PLEKHM1: variants seen among roughly 807,000 people sequenced by gnomAD.
PLEKHM1 encodes the protein pleckstrin homology domain-containing family M member 1.
PLEKHM1 carries 28 observed loss-of-function variants against 94.3 expected under a neutral mutation model. That is an observed-to-expected ratio of 0.30 (90% CI 0.22 to 0.41). The LOEUF (loss-of-function observed/expected upper bound fraction) is 0.41. Among genes scored for constraint, PLEKHM1 ranks in the 10% least tolerant of loss-of-function variants. The pLI is 1.00. For missense variants in PLEKHM1, 907 were observed against 1,358.6 expected, an observed-to-expected ratio of 0.67 and a Z score of 5.22; for synonymous variants, 424 against 581.2, an observed-to-expected ratio of 0.73 and a Z score of 3.89.
chr17:45,485,795 G>A (rs893079337), intron 1 of PLEKHM1, among the ~76,000 whole-genome samples: 1 of 151,660 alleles, frequency 6.6e-6, no homozygotes, highest in African/African-American at 2.4e-5. Context: ...ACCAGCTACT[G>A]GTATTACCAG....
intron 11 of PLEKHM1, among the ~76,000 whole-genome samples, chr17:45,438,543 A>C (rs1343104220): frequency 6.6e-6 from 1 of 151,776 alleles, no homozygotes; most frequent in Non-Finnish European, 1.5e-5. Context: ...AAAAGAAAAA[A>C]AAAATTTTTT....
rs974570986 is a variant in PLEKHM1 at position 45,445,244 on chromosome 17, T to A, written c.2837+226A>T. Among the ~76,000 whole-genome samples, 1 of 152,272 alleles carries A rather than the reference T, an allele frequency of 6.6e-6. No homozygotes were observed. Among genetic ancestry groups the A allele is most frequent in the Admixed American group, 6.5e-5 (1 of 15,290 alleles). ...CAGGTGGACGCCTTGCCCTGGGCAC[T>A]GCCCCTGTGTGTGTGTGCATGTGCA... On this transcript the variant is annotated intron_variant, in intron 9 of 11. Transcript: ENST00000430334. The surrounding 1 kb of genome is among the most constrained non-coding windows in gnomAD (Gnocchi z 4.2).
At chr17:45,438,290 T>C (rs1431509976) in intron 11 of PLEKHM1, among the ~76,000 whole-genome samples, 8 of 152,132 alleles carry the variant, frequency 5.3e-5, no homozygotes, top group Non-Finnish European at 1.2e-4. Flanking sequence ...TCCCAGCACT[T>C]TGGGAGGCCG....
At chr17:45,479,189 C>T (rs1470450403) in intron 2 of PLEKHM1, among the ~76,000 whole-genome samples, 1 of 151,924 alleles carries the variant, frequency 6.6e-6, no homozygotes, top group Non-Finnish European at 1.5e-5. Flanking sequence ...GCCTGGCAAA[C>T]ATGATGAAAC....
At chr17:45,450,530 A>T in intron 8 of PLEKHM1, 88 bp downstream of exon 8, 3 of 1,518,348 alleles carry the variant, frequency 2.0e-6, no homozygotes, top group East Asian at 2.3e-5. Flanking sequence ...GAGGAGCCAA[A>T]CTCCTCTAAA....
intron 7 of PLEKHM1, chr17:45,452,915 A>C (rs1200363234): frequency 1.5e-5 from 4 of 258,186 alleles, no homozygotes; most frequent in Non-Finnish European, 3.0e-5. Context: ...TCATCACAGA[A>C]AGTTCTATTG....
chr17:45,446,025 C>A (rs1448607074), intron 8 of PLEKHM1: 8 of 397,468 alleles, frequency 2.0e-5, no homozygotes, highest in Non-Finnish European at 3.7e-5. Flanking sequence ...TATTTCCCCC[C>A]ACTGAAGGAA....
intron 6 of PLEKHM1, among the ~76,000 whole-genome samples, chr17:45,457,236 T>A (rs1397236494): frequency 6.7e-6 from 1 of 149,754 alleles, no homozygotes; most frequent in Non-Finnish European, 1.5e-5. Flanking sequence ...TCCTCCAGCC[T>A]GGCCAACATA....
chr17:45,452,442 C>T (rs954490446), intron 7 of PLEKHM1, among the ~76,000 whole-genome samples: 1 of 148,400 alleles, frequency 6.7e-6, no homozygotes. Flanking sequence ...AACAAACAAA[C>T]AAAAAAGGAA....
At position 45,468,374 on chromosome 17, in the gene PLEKHM1, G is replaced by A; in HGVS notation, c.1143C>T (p.Pro381=). ...CAGGCTGCTGTAAGTCCAGGGGGCTGGGCGCCTGGGGACGCGGCTCCTGCA... is the reference window on the plus strand; with the variant it reads ...CAGGCTGCTGTAAGTCCAGGGGGCTAGGCGCCTGGGGACGCGGCTCCTGCA... ...VHVQEPRPQA[P]SPLDLQQPVE... Residue 381 remains proline (P), a synonymous_variant, in exon 5 of 12, where the codon CCC becomes CCT. Coordinates refer to ENST00000430334, the MANE Select transcript of PLEKHM1 (RefSeq NM_014798.3). The A allele has an allele frequency of 6.2e-7, 1 of 1,614,140 alleles. No individual in the cohort carries two copies. Among genetic ancestry groups the A allele is most frequent in the Non-Finnish European group, 8.5e-7 (1 of 1,180,012 alleles).
At chr17:45,473,656 C>T (rs1245897513) in intron 4 of PLEKHM1, among the ~76,000 whole-genome samples, 3 of 151,336 alleles carry the variant, frequency 2.0e-5, no homozygotes, top group Non-Finnish European at 4.4e-5. Context: ...CCTCCTGGGT[C>T]CACACCATTC....
chr17:45,468,527 T>C lies in PLEKHM1; in HGVS notation c.990A>G (p.Thr330=), dbSNP rs1879581. The C allele has an allele frequency of 0.16, 256,285 of 1,613,882 alleles. 23,044 individuals are homozygous for C. The highest frequency in any genetic ancestry group is 0.2 in the Middle Eastern group (1,198 of 6,062). Residue 330 remains threonine (T), a synonymous_variant, in exon 5 of 12, where the codon ACA becomes ACG. Coordinates refer to ENST00000430334, the MANE Select transcript of PLEKHM1 (RefSeq NM_014798.3). ...GCGAGGCCTGTGGTGTGGGGATCTC[T>C]GTTTCTTGGCTCAGTCCGTTGGTTG... ...SVPTNGLSQE[T]EIPTPQASLS...
chr17:45,462,966 C>T (rs929697214), intron 5 of PLEKHM1, among the ~76,000 whole-genome samples: 2 of 150,952 alleles, frequency 1.3e-5, no homozygotes, highest in Non-Finnish European at 3.0e-5. Flanking sequence ...CCTGTAATCT[C>T]AGCTACTCGG....
downstream of PLEKHM1, among the ~76,000 whole-genome samples, chr17:45,435,621 A>T (rs1374184330): frequency 6.6e-6 from 1 of 152,196 alleles, no homozygotes; most frequent in Non-Finnish European, 1.5e-5. Flanking sequence ...GATCAGCTTG[A>T]GTTGTTATAC....
chr17:45,465,718 T>TA (rs1567788740), intron 5 of PLEKHM1, among the ~76,000 whole-genome samples: 1 of 150,304 alleles, frequency 6.7e-6, no homozygotes, highest in Non-Finnish European at 1.5e-5. Flanking sequence ...TCAAAAAAAT[T>TA]TTTTTTTTTA....
In PLEKHM1 at chr17:45,475,281, T is replaced by C. The variant is rs1382203816; in HGVS notation, c.742A>G (p.Thr248Ala). 1 of 1,613,978 alleles carries C rather than the reference T, an allele frequency of 6.2e-7. No homozygotes were observed. The highest frequency in any genetic ancestry group is 1.7e-5 in the Admixed American group (1 of 60,016). Residue 248 changes from threonine (T) to alanine (A), a missense_variant, in exon 4 of 12, where the codon ACT becomes GCT. Thr to Ala is a moderately conservative substitution (Grantham distance 58, BLOSUM62 0). Around this residue, in one of 3 missense-constraint regions of PLEKHM1, gnomAD observed 477 missense variants for 601.5 expected, o/e 0.79. Coordinates refer to ENST00000430334, the MANE Select transcript of PLEKHM1 (RefSeq NM_014798.3). ...GTGTCCAGGCTGAGGGAGGAGGCAG[T>C]CAGCTTCTGGTTCCTCCGTATCTTA... is the stretch of plus-strand genomic sequence containing the variant. ...GHKIRRNQKL[T>A]ASSLSLDTAS...
Position 45,445,591 on chromosome 17 carries a change from C to T in PLEKHM1, c.2716G>A (p.Ala906Thr), listed in dbSNP as rs927063227. Reference sequence around the variant, plus strand: ...CGCTCCACATGCTCGTACAGAGACGCGTTCACCATCTGCAGGTTGATGAGG... The same window carrying T: ...CGCTCCACATGCTCGTACAGAGACGTGTTCACCATCTGCAGGTTGATGAGG... Reference protein sequence around the residue: ...QPLINLQMVNASLYEHVERMH... With the variant: ...QPLINLQMVNTSLYEHVERMH... The change falls in exon 9 of 12, where the codon GCG becomes ACG. Residue 906 changes from alanine to threonine, a missense_variant. Ala to Thr is a moderately conservative substitution (Grantham distance 58). Transcript: ENST00000430334. The surrounding 1 kb of genome is among the most constrained non-coding windows in gnomAD (Gnocchi z 4.2). 1.4e-5 allele frequency: 23 copies of T among 1,613,780 alleles called. 2 individuals carry two copies. The Middle Eastern group carries it at 1.2e-3, about 81-fold the overall frequency.
chr17:45,449,933 C>T (rs1334324684), intron 8 of PLEKHM1, among the ~76,000 whole-genome samples: 3 of 151,428 alleles, frequency 2.0e-5, no homozygotes, highest in African/African-American at 4.9e-5. Context: ...TGCCCATCCA[C>T]CCATCCACCT....
At chr17:45,448,152 T>TA (rs2050668777) in intron 8 of PLEKHM1, 1 of 152,226 alleles carries the variant, frequency 6.6e-6, no homozygotes, top group African/African-American at 2.4e-5. Flanking sequence ...GGGCAGTGAA[T>TA]AAGGAGATGG....
Sources: gnomAD v4.1 joint callset for allele counts (sites outside exome capture counted in the v4.1 genomes callset) on GRCh38, gnomAD v4.1.1 for gene constraint, gnomAD v4.1.1 regional missense constraint, Gnocchi (gnomAD v3.1) non-coding constraint, MANE v1.5 for transcripts, NCBI Gene and HGNC (gene_info 2026-07-23, HGNC 2026-07-21) for gene names.